TTC4: variants seen among roughly 807,000 people sequenced by gnomAD.
TTC4 encodes the protein hsp70/Hsp90 co-chaperone CNS1 homolog.
Under a neutral mutation model 51.9 loss-of-function variants are expected in TTC4, and 36 were observed. The observed-to-expected ratio is 0.69, with a 90% confidence interval of 0.53 to 0.92. The LOEUF is 0.92. Ranked by LOEUF, TTC4 falls within the 40% of genes least tolerant of loss-of-function variation. The pLI, the probability that TTC4 is intolerant of heterozygous loss-of-function variation, is 0.00. For missense variants in TTC4, 399 were observed against 454.6 expected (o/e 0.88, Z 1.11); for synonymous variants, 144 against 164.2 (o/e 0.88, Z 0.94).
At chr1:54,727,764 A>G (rs1645819030) in intron 5 of TTC4, among the ~76,000 whole-genome samples, 1 of 151,836 alleles carries the variant, frequency 6.6e-6, no homozygotes, top group Non-Finnish European at 1.5e-5. Flanking sequence ...AGGGACTTTT[A>G]TCTACAACAT....
At position 54,715,864 on chromosome 1, in the gene TTC4, C is replaced by T. The variant is rs199696687; in HGVS notation, c.-45C>T. On this transcript the variant is annotated 5_prime_UTR_variant, in exon 1 of 10. Coordinates refer to ENST00000371281, the MANE Select transcript of TTC4 (RefSeq NM_004623.5). ...ACCCGCGCCGCCGGAAGGAGCCGCTCGCTTCACGGCGCTGGGACCCGGGCT... is the reference window on the plus strand; with the variant it reads ...ACCCGCGCCGCCGGAAGGAGCCGCTTGCTTCACGGCGCTGGGACCCGGGCT... 2.0e-6 allele frequency: 3 copies of T among 1,495,472 alleles called. No homozygotes were observed. The highest frequency in any genetic ancestry group is 1.4e-5 in the African/African-American group (1 of 71,664). 92.6% of individuals were successfully genotyped at this position (1,495,472 alleles called of 1,614,324 possible).
rs1219350177 is a variant in TTC4, at chr1:54,736,218, GAGAGAAGAGGAGAGGAGAGAGAAGAGA to G, written c.979-1363_979-1337del. On this transcript the variant is annotated intron_variant, in intron 8 of 9. Coordinates refer to ENST00000371281, the MANE Select transcript of TTC4 (RefSeq NM_004623.5). Reference sequence around the variant, plus strand: ...AGAGAGAGAGAGAGAGAGAGAGAGAGAGAGAAGAGGAGAGGAGAGAGAAGAGAGGAGAGAGGAGAGAGAGAGAGAGAG... The same window carrying G: ...AGAGAGAGAGAGAGAGAGAGAGAGAGGGAGAGAGGAGAGAGAGAGAGAGAG... Among the ~76,000 whole-genome samples, 167 of 133,852 alleles carry G rather than the reference GAGAGAAGAGGAGAGGAGAGAGAAGAGA, an allele frequency of 1.2e-3. 10 individuals are homozygous for G. The highest frequency in any genetic ancestry group is 3.1e-3 in the South Asian group (12 of 3,832). 87.8% of individuals were successfully genotyped at this position (133,852 alleles called of 152,430 possible). A position where few individuals can be genotyped will look rare whatever the true frequency, so the allele number is the denominator to read the frequency against.
Position 54,717,525 on chromosome 1 carries a change from A to T in TTC4, c.263A>T (p.Asp88Val), listed in dbSNP as rs527733092. 1 of 1,608,056 alleles carries T rather than the reference A, an allele frequency of 6.2e-7. No individual in the cohort carries two copies. Among genetic ancestry groups the T allele is most frequent in the South Asian group, 1.1e-5 (1 of 89,704 alleles). ...AAGACCTATAAAGATGAGGGCAATG[A>T]TTACTTTAAAGAAAAAGACTACAAG... ...QAKTYKDEGNDYFKEKDYKKA... is the reference protein window; with the variant it reads ...QAKTYKDEGNVYFKEKDYKKA... Residue 88 changes from aspartate (D) to valine (V), a missense_variant, in exon 3 of 10, where the codon GAT (aspartate) becomes GTT (valine). Asp to Val is a radical substitution (Grantham distance 152, BLOSUM62 -3). Coordinates refer to ENST00000371281, the MANE Select transcript of TTC4 (RefSeq NM_004623.5).
At chr1:54,741,249 T>G (rs1325783091) in intron 9 of TTC4, among the ~76,000 whole-genome samples, 162 bp from the exon 10 acceptor site, 2 of 152,258 alleles carry the variant, frequency 1.3e-5, no homozygotes, top group Non-Finnish European at 1.5e-5. Context: ...GAGAATGTCA[T>G]GCTAATTTGC....
intron 5 of TTC4, among the ~76,000 whole-genome samples, chr1:54,725,053 A>G (rs1417819180): frequency 6.6e-6 from 1 of 152,154 alleles, no homozygotes; most frequent in African/African-American, 2.4e-5. Context: ...CATGGTGAAA[A>G]TGAGCAGCCT....
chr1:54,733,418 CA>C (rs56941240), intron 7 of TTC4, among the ~76,000 whole-genome samples: 43 of 120,990 alleles, frequency 3.6e-4, no homozygotes, highest in Admixed American at 5.2e-4. Flanking sequence ...GACCCTGTCT[CA>C]AAAAAAAAAA....
Position 54,737,516 on chromosome 1 carries a change from G to A in TTC4, c.979-66G>A, listed in dbSNP as rs1024401990. The stretch of plus-strand genomic sequence containing the variant: ...TTGCCATCTTTTTAATTTTCCCTGG[G>A]CTTAGCCTCAACTAAGGCTGCCGAA... On this transcript the variant is annotated intron_variant, in intron 8 of 9. Coordinates refer to ENST00000371281, the MANE Select transcript of TTC4 (RefSeq NM_004623.5). 6 of 1,479,618 alleles carry A rather than the reference G, an allele frequency of 4.1e-6. No individual in the cohort carries two copies. The African/African-American group carries it at 5.6e-5, about 14-fold the overall frequency. 91.7% of individuals were successfully genotyped at this position (1,479,618 alleles called of 1,614,324 possible).
rs1645692569 is a variant in TTC4 at position 54,717,662 on chromosome 1, T to C, written c.391+9T>C. 1 of 1,521,204 alleles carries C rather than the reference T, an allele frequency of 6.6e-7. No homozygotes were observed. Among genetic ancestry groups the C allele is most frequent in the East Asian group, 2.4e-5 (1 of 41,782 alleles). The allele number at this position is 1,521,204 out of a possible 1,614,324, so 94.2% of individuals were successfully genotyped here. A position where few individuals can be genotyped will look rare whatever the true frequency, so the allele number is the denominator to read the frequency against. On this transcript the variant is annotated intron_variant, in intron 3 of 9. Transcript: ENST00000371281. ...AGCACAGTACTATCTGGGTAATTTA[T>C]AAGTGCTTTCTGAAGAATAAACTTA... is the stretch of plus-strand genomic sequence containing the variant.
rs992773466 is a variant in TTC4 at position 54,724,205 on chromosome 1, A to C, written c.594+1406A>C. Among the ~76,000 whole-genome samples, 3 of 152,162 alleles carry C rather than the reference A, an allele frequency of 2.0e-5. No homozygotes were observed. The South Asian group carries it at 6.2e-4, about 32-fold the overall frequency. On this transcript the variant is annotated intron_variant, in intron 5 of 9. Coordinates refer to ENST00000371281, the MANE Select transcript of TTC4 (RefSeq NM_004623.5). The stretch of plus-strand genomic sequence containing the variant: ...TAGCCAACAGACTTGTGGCTATGTT[A>C]ATATCAGACAGAGTAGACTTCAAGG...
At position 54,724,644 on chromosome 1, in the gene TTC4, C is replaced by T. The variant is rs138714717; in HGVS notation, c.594+1845C>T. 5.3e-3 allele frequency among the ~76,000 whole-genome samples: 802 copies of T among 152,170 alleles called. 10 individuals are homozygous for T. The highest frequency in any genetic ancestry group is 0.019 in the African/African-American group (772 of 41,500). On this transcript the variant is annotated intron_variant, in intron 5 of 9. Coordinates refer to ENST00000371281, the MANE Select transcript of TTC4 (RefSeq NM_004623.5). ...TTTAACAATTCTAAATGTGTAGGCA[C>T]CTACTAACAGCTTCAAAATGCATGA...
At position 54,717,472 on chromosome 1, in the gene TTC4, A is replaced by G; in HGVS notation, c.230-20A>G. 2.7e-6 allele frequency: 4 copies of G among 1,486,974 alleles called. No homozygotes were observed. The highest frequency in any genetic ancestry group is 3.6e-6 in the Non-Finnish European group (4 of 1,120,136). The allele number at this position is 1,486,974 out of a possible 1,614,324, so 92.1% of individuals were successfully genotyped here. ...TTTTAAAAAGTAAGCAATAGTGATT[A>G]TTTTTCCTCTTCTTTGCAGAACAGG... On this transcript the variant is annotated intron_variant, in intron 2 of 9. Transcript: ENST00000371281.
chr1:54,733,988 AT>A (rs1645903796), intron 8 of TTC4, among the ~76,000 whole-genome samples: 1 of 152,018 alleles, frequency 6.6e-6, no homozygotes, highest in South Asian at 2.1e-4. Flanking sequence ...ATCATACAGT[AT>A]TTGTCCTTTT....
chr1:54,737,528 C>T (rs970216604), intron 8 of TTC4, 54 bp from the exon 9 acceptor site: 3 of 1,552,402 alleles, frequency 1.9e-6, no homozygotes, highest in Non-Finnish European at 2.7e-6. Context: ...TTAGCCTCAA[C>T]TAAGGCTGCC....
chr1:54,731,524 T>G lies in TTC4; in HGVS notation c.720T>G (p.Asp240Glu). ...NIRLSEAACE[D>E]EDSASEGLGE... ...GGCTCTCAGAAGCTGCCTGTGAGGA[T>G]GAAGATTCAGCCTCAGAAGGTCTAG... Residue 240 changes from aspartate to glutamate, a missense_variant, in exon 7 of 10, where the codon GAT becomes GAG. Asp to Glu is a conservative substitution (Grantham distance 45). This residue lies in a region of TTC4 where 316 missense variants were observed against 349.6 expected (regional missense o/e 0.90). Transcript: ENST00000371281. 1 of 1,613,930 alleles carries G rather than the reference T, an allele frequency of 6.2e-7. No individual in the cohort carries two copies. The highest frequency in any genetic ancestry group is 8.5e-7 in the Non-Finnish European group (1 of 1,179,900).
In TTC4 at chr1:54,727,554, G is replaced by GAA. The variant is rs138219819; in HGVS notation, c.595-787_595-786dup. 8.1e-4 allele frequency among the ~76,000 whole-genome samples: 123 copies of GAA among 151,802 alleles called. 1 individual carries two copies. Among genetic ancestry groups the GAA allele is most frequent in the African/African-American group, 2.9e-3 (118 of 41,374 alleles). On this transcript the variant is annotated intron_variant, in intron 5 of 9. Transcript: ENST00000371281. ...AAAAAAATGAAAAGATAAATGTGAA[G>GAA]AAAAAAGTGAAAAGGGGCCAGATGC...
intron 4 of TTC4, 92 bp from the exon 5 acceptor site, chr1:54,722,583 G>T: frequency 6.4e-7 from 1 of 1,567,144 alleles, no homozygotes; most frequent in Non-Finnish European, 8.6e-7. Flanking sequence ...CAGGGTACTG[G>T]CTGGTAGTTG....
chr1:54,733,628 G>T lies in TTC4; in HGVS notation c.897-1G>T. ...CCAGAAAGTACATGTTTTATCCTTA[G>T]GTTTATTGATCATCTAATGGTGATG... On this transcript the variant is annotated splice_acceptor_variant, in intron 7 of 9. Transcript: ENST00000371281. LOFTEE classifies it high-confidence loss of function. 6.3e-7 allele frequency: 1 copy of T among 1,596,162 alleles called. No individual in the cohort carries two copies. Among genetic ancestry groups the T allele is most frequent in the Non-Finnish European group, 8.5e-7 (1 of 1,171,420 alleles).
chr1:54,741,884 A>ATGATACG lies in TTC4; in HGVS notation c.*371_*372insTGATACG. 4 of 242,278 alleles carry ATGATACG rather than the reference A, an allele frequency of 1.7e-5. No individual in the cohort carries two copies. Among genetic ancestry groups the ATGATACG allele is most frequent in the South Asian group, 1.5e-4 (2 of 13,018 alleles). The allele number at this position is 242,278 out of a possible 1,614,324, so 15.0% of individuals were successfully genotyped here. On this transcript the variant is annotated 3_prime_UTR_variant, in exon 10 of 10. Coordinates refer to ENST00000371281, the MANE Select transcript of TTC4 (RefSeq NM_004623.5). ...TTTGTGGAGTTTGACACCTTAGAGA[A>ATGATACG]GCTACCCCTCAAACTGCACATCTAC...
chr1:54,726,642 C>T (rs1252484430), intron 5 of TTC4, among the ~76,000 whole-genome samples: 2 of 152,116 alleles, frequency 1.3e-5, no homozygotes, highest in African/African-American at 2.4e-5. Context: ...AAAACTTATA[C>T]TCTAAAAATA....
Sources: gnomAD v4.1 joint callset for allele counts (sites outside exome capture counted in the v4.1 genomes callset) on GRCh38, gnomAD v4.1.1 for gene constraint, gnomAD v4.1.1 regional missense constraint, MANE v1.5 for transcripts, NCBI Gene and HGNC (gene_info 2026-07-23, HGNC 2026-07-21) for gene names.